GPC3: variants seen among roughly 807,000 people sequenced by gnomAD.
GPC3 encodes the protein glypican-3.
A neutral mutation model predicts 34.4 loss-of-function variants in GPC3; 3 were observed. The ratio of observed to expected loss-of-function variants is 0.09; its 90% CI spans 0.04 to 0.23. The LOEUF (loss-of-function observed/expected upper bound fraction) is 0.23. GPC3 is among the 10% of genes least tolerant of loss of function. The pLI, the probability that GPC3 is intolerant of heterozygous loss-of-function variation, is 1.00. For synonymous variants in GPC3, 177 were observed against 174.0 expected (o/e 1.02, Z -0.13); for missense variants, 351 against 445.6 (o/e 0.79, Z 1.91).
chrX:133,567,805 C>A (rs2069594993), intron 7 of GPC3, among the ~76,000 whole-genome samples: 1 of 112,116 alleles, frequency 8.9e-6, no homozygotes, highest in Admixed American at 9.5e-5. Flanking sequence ...ATGCTTTCCT[C>A]TTGACTTTAC....
At chrX:133,671,065 A>G in intron 5 of GPC3, 2 of 577,223 alleles carry the variant, frequency 3.5e-6, no homozygotes, top group Non-Finnish European at 6.1e-6. Flanking sequence ...GACCCCAGGA[A>G]GGCAACAGTG....
chrX:133,726,519 CT>C (rs1396396209), intron 3 of GPC3, among the ~76,000 whole-genome samples: 1 of 111,401 alleles, frequency 9.0e-6, no homozygotes, highest in Non-Finnish European at 1.9e-5. Context: ...TCCCTGGAGT[CT>C]TTTTGCTGTC....
chrX:133,842,857 C>G lies in GPC3; in HGVS notation c.338-88681G>C, dbSNP rs530544623. ...TGGTATTCTTGACTTTGGATAGTCT[C>G]CTCCCACAATGAATCAGGCTTGGCC... On this transcript the variant is annotated intron_variant, in intron 2 of 7. Coordinates refer to ENST00000370818, the MANE Select transcript of GPC3 (RefSeq NM_004484.4). 3.6e-5 allele frequency among the ~76,000 whole-genome samples: 4 copies of G among 111,233 alleles called. No individual in the cohort carries two copies. In the Admixed American group the frequency reaches 3.8e-4, roughly 11 times the overall value.
At chrX:133,789,628 C>A (rs748891652) in intron 2 of GPC3, among the ~76,000 whole-genome samples, 1 of 112,258 alleles carries the variant, frequency 8.9e-6, no homozygotes, top group Non-Finnish European at 1.9e-5. Context: ...GTCTGCAATG[C>A]TTTCAACTAC....
intron 2 of GPC3, among the ~76,000 whole-genome samples, chrX:133,775,350 G>A (rs894266334): frequency 9.0e-6 from 1 of 111,047 alleles, no homozygotes; most frequent in African/African-American, 3.3e-5. Context: ...TCCATAGCTT[G>A]TTGATTTTCT....
intron 7 of GPC3, among the ~76,000 whole-genome samples, chrX:133,548,625 G>A (rs2069406771): frequency 9.0e-6 from 1 of 111,503 alleles, no homozygotes; most frequent in African/African-American, 3.3e-5. Flanking sequence ...ATTTGGATTT[G>A]TTCTTTAAAT....
At chrX:133,807,295 G>A (rs183986690) in intron 2 of GPC3, among the ~76,000 whole-genome samples, 47 of 111,653 alleles carry the variant, frequency 4.2e-4, no homozygotes, top group East Asian at 8.5e-4. Flanking sequence ...ACCATATGAT[G>A]CCTGTTCTCC....
chrX:133,812,956 G>T (rs753554222), intron 2 of GPC3, among the ~76,000 whole-genome samples: 5 of 112,519 alleles, frequency 4.4e-5, no homozygotes, highest in Non-Finnish European at 9.4e-5. Flanking sequence ...CCAGCTGCAA[G>T]CTAAGCTATT....
At chrX:133,959,410 G>A (rs748982235) in intron 1 of GPC3, among the ~76,000 whole-genome samples, 8 of 112,279 alleles carry the variant, frequency 7.1e-5, no homozygotes, top group African/African-American at 2.6e-4. Flanking sequence ...GTATAGGGCT[G>A]TTTCAATGTG....
chrX:133,544,785 G>A (rs2069368522), intron 7 of GPC3, among the ~76,000 whole-genome samples: 1 of 111,825 alleles, frequency 8.9e-6, no homozygotes, highest in Non-Finnish European at 1.9e-5. Flanking sequence ...TCCTTCCTCA[G>A]CCTCCAAAGT....
intron 1 of GPC3, among the ~76,000 whole-genome samples, chrX:133,982,174 C>T (rs2076543381): frequency 1.8e-5 from 2 of 112,069 alleles, no homozygotes; most frequent in Non-Finnish European, 3.8e-5. Flanking sequence ...TTCTTGATTG[C>T]GCCTGTGGGT....
Position 133,830,671 on chromosome X carries a change from T to A in GPC3, c.338-76495A>T, listed in dbSNP as rs1172539265. 3.8e-4 allele frequency among the ~76,000 whole-genome samples: 21 copies of A among 55,850 alleles called. No individual in the cohort carries two copies. The Admixed American group carries it at 4.5e-3, about 12-fold the overall frequency. 48.5% of individuals were successfully genotyped at this position (55,850 alleles called of 115,157 possible). On this transcript the variant is annotated intron_variant, in intron 2 of 7. Coordinates refer to ENST00000370818, the MANE Select transcript of GPC3 (RefSeq NM_004484.4). ...CCAGCCTGGGCAACAAAAGCGAGAC[T>A]CCATCTCAAAAAAAAAAAAAAAAAA...
chrX:133,853,679 T>A (rs749033916), intron 2 of GPC3, among the ~76,000 whole-genome samples: 124 of 112,179 alleles, frequency 1.1e-3, no homozygotes, highest in Non-Finnish European at 1.8e-3. Flanking sequence ...AAGAACAGAA[T>A]CTATTGAGGG....
intron 2 of GPC3, among the ~76,000 whole-genome samples, chrX:133,826,640 C>A (rs2075748155): frequency 9.0e-6 from 1 of 110,966 alleles, no homozygotes; most frequent in African/African-American, 3.3e-5. Context: ...AAATAATGGC[C>A]AAAAACTTCC....
chrX:133,762,090 GTAAA>G (rs1433308331), intron 2 of GPC3, among the ~76,000 whole-genome samples: 3 of 112,032 alleles, frequency 2.7e-5, no homozygotes, highest in Non-Finnish European at 5.6e-5. Context: ...AAATAGGTAG[GTAAA>G]TAAATAAGGA....
In GPC3 at chrX:133,953,171, G is replaced by A. The variant is rs753123728; in HGVS notation, c.216C>T (p.Cys72=). Residue 72 remains cysteine (C), a synonymous_variant, in exon 2 of 8, where the codon TGC becomes TGT. Transcript: ENST00000370818. ...LQVCLPKGPT[C]CSRKMEEKYQ... ...ATTTTTCTTCCATCTTTCTTGAGCA[G>A]CATGTTGGGCCCTTAGGGAGACATA... The A allele has an allele frequency of 1.7e-6, 2 of 1,208,274 alleles. No individual in the cohort carries two copies. The highest frequency in any genetic ancestry group is 4.4e-5 in the Admixed American group (2 of 45,876).
chrX:133,817,294 A>G, intron 2 of GPC3, among the ~76,000 whole-genome samples: 1 of 111,676 alleles, frequency 9.0e-6, no homozygotes, highest in Non-Finnish European at 1.9e-5. Context: ...CTTAGCCAGC[A>G]TCCTTGCTTG....
At chrX:133,649,830 T>C (rs1486076335) in intron 6 of GPC3, among the ~76,000 whole-genome samples, 2 of 112,116 alleles carry the variant, frequency 1.8e-5, no homozygotes, top group African/African-American at 6.5e-5. Context: ...TCCTTTTGCC[T>C]GACAACAAGT....
intron 7 of GPC3, among the ~76,000 whole-genome samples, chrX:133,543,902 C>T (rs185801931): frequency 8.9e-5 from 10 of 112,056 alleles, no homozygotes; most frequent in East Asian, 5.6e-4. Flanking sequence ...CCTTCTCTGA[C>T]GTAGTGGGGG....
Sources: gnomAD v4.1 joint callset for allele counts (sites outside exome capture counted in the v4.1 genomes callset) on GRCh38, gnomAD v4.1.1 for gene constraint, MANE v1.5 for transcripts, NCBI Gene and HGNC (gene_info 2026-07-23, HGNC 2026-07-21) for gene names.